The following PRKN variants were observed in gnomAD, a reference collection of about 807,000 sequenced individuals.
The protein encoded by PRKN is E3 ubiquitin-protein ligase parkin.
A neutral mutation model predicts 59.5 loss-of-function variants in PRKN; 56 were observed. The observed-to-expected ratio is 0.94, with a 90% CI of 0.76 to 1.18. PRKN has a LOEUF of 1.18. Among genes scored for constraint, PRKN ranks in the 50% most tolerant of loss-of-function variants. The probability of loss-of-function intolerance (pLI) is 0.00; values close to 1 mark genes in which losing one functional copy is unlikely to be tolerated. For missense variants in PRKN, 657 were observed against 596.4 expected (o/e 1.10, Z -1.06); for synonymous variants, 250 against 222.1 (o/e 1.13, Z -1.12).
intron 6 of PRKN, among the ~76,000 whole-genome samples, chr6:161,929,769 C>A (rs556876339): frequency 9.2e-5 from 14 of 152,082 alleles, no homozygotes; most frequent in African/African-American, 3.1e-4. Context: ...CTGCCTCACC[C>A]TCCCAAAGTG....
chr6:162,724,362 G>A (rs1779046017), intron 1 of PRKN, among the ~76,000 whole-genome samples: 1 of 152,134 alleles, frequency 6.6e-6, no homozygotes, highest in South Asian at 2.1e-4. Context: ...AATGCAGGTG[G>A]GAAATGTAAG....
At chr6:161,737,540 T>C (rs1184032350) in intron 7 of PRKN, among the ~76,000 whole-genome samples, 1 of 152,252 alleles carries the variant, frequency 6.6e-6, no homozygotes, top group African/African-American at 2.4e-5. Context: ...CTTCACATTA[T>C]GGCATTCAAT....
At chr6:161,635,082 C>A (rs911586667) in intron 7 of PRKN, among the ~76,000 whole-genome samples, 1 of 152,170 alleles carries the variant, frequency 6.6e-6, no homozygotes, top group Non-Finnish European at 1.5e-5. Flanking sequence ...CCTTGGGAAT[C>A]ATTTTGTCTG....
rs367750461 is a variant in PRKN, at chr6:161,513,327, G to GC, written c.1083+35526dup. On this transcript the variant is annotated intron_variant, in intron 9 of 11. Coordinates refer to ENST00000366898, the MANE Select transcript of PRKN (RefSeq NM_004562.3). ...GCGATCTCAGCACACTGCAACCTCC[G>GC]CCCCCCGGGTTCAAGTGATTCTCCT... 2.6e-5 allele frequency among the ~76,000 whole-genome samples: 4 copies of GC among 152,100 alleles called. No homozygotes were observed. The East Asian group carries it at 7.7e-4, about 29-fold the overall frequency.
intron 8 of PRKN, among the ~76,000 whole-genome samples, chr6:161,559,797 A>G (rs1780384044): frequency 6.6e-6 from 1 of 152,188 alleles, no homozygotes; most frequent in Non-Finnish European, 1.5e-5. Context: ...TGAGCATTTA[A>G]TGATCTAATT....
Position 162,128,348 on chromosome 6 carries a change from A to G in PRKN, c.534+72783T>C, listed in dbSNP as rs183478859. 1.8e-3 allele frequency among the ~76,000 whole-genome samples: 272 copies of G among 152,328 alleles called. 4 individuals carry two copies. Among genetic ancestry groups the G allele is most frequent in the African/African-American group, 6.2e-3 (258 of 41,572 alleles). ...TGTTTTGCATATATTTGTGTTTTTA[A>G]GGGGTCATACAGCCTGAAGATACAC... is the stretch of plus-strand genomic sequence containing the variant. On this transcript the variant is annotated intron_variant, in intron 4 of 11. Coordinates refer to ENST00000366898, the MANE Select transcript of PRKN (RefSeq NM_004562.3).
At chr6:161,978,140 C>A (rs1316529280) in intron 5 of PRKN, among the ~76,000 whole-genome samples, 2 of 152,008 alleles carry the variant, frequency 1.3e-5, no homozygotes, top group Non-Finnish European at 2.9e-5. Flanking sequence ...ACCTCTGCCT[C>A]CCAGGTTCAA....
chr6:162,511,830 G>A (rs1465912899), intron 1 of PRKN, among the ~76,000 whole-genome samples: 2 of 152,124 alleles, frequency 1.3e-5, no homozygotes, highest in African/African-American at 4.8e-5. Context: ...AGTGAGCACT[G>A]TTTCTTGAAA....
At chr6:162,012,360 AAAAG>A (rs757337194) in intron 5 of PRKN, among the ~76,000 whole-genome samples, 23 of 152,070 alleles carry the variant, frequency 1.5e-4, no homozygotes, top group Non-Finnish European at 2.8e-4. Flanking sequence ...AGTAAGTTAA[AAAAG>A]AAAGTAAACT....
chr6:162,339,504 G>A (rs1219690824), intron 2 of PRKN, among the ~76,000 whole-genome samples: 10 of 137,772 alleles, frequency 7.3e-5, no homozygotes, highest in Admixed American at 1.4e-4. Flanking sequence ...CGCCCCGTCC[G>A]GGAGGGAGGT....
At chr6:162,167,971 G>A (rs13217867) in intron 4 of PRKN, among the ~76,000 whole-genome samples, 44 of 152,026 alleles carry the variant, frequency 2.9e-4, no homozygotes, top group Middle Eastern at 3.4e-3. Context: ...AAATAAAAAC[G>A]TCATTTTTTC....
chr6:162,180,960 T>G (rs1166082086), intron 4 of PRKN, among the ~76,000 whole-genome samples: 2 of 152,140 alleles, frequency 1.3e-5, no homozygotes, highest in African/African-American at 4.8e-5. Context: ...ATAACATGAT[T>G]CTAGTTTAAA....
chr6:161,822,547 G>C (rs1792074397), intron 6 of PRKN, among the ~76,000 whole-genome samples: 1 of 152,204 alleles, frequency 6.6e-6, no homozygotes, highest in Non-Finnish European at 1.5e-5. Context: ...ATGGTGGTGT[G>C]TGCCTGAAAT....
chr6:162,355,407 C>CTATCTATCTATCTATCTATCTATA (rs1554304030), intron 2 of PRKN, among the ~76,000 whole-genome samples: 4 of 151,294 alleles, frequency 2.6e-5, no homozygotes, highest in African/African-American at 7.3e-5. Flanking sequence ...ATCTATCTAT[C>CTATCTATCTATCTATCTATCTATA]TATATATATA....
chr6:161,421,544 C>T (rs1368837398), intron 9 of PRKN, among the ~76,000 whole-genome samples: 2 of 152,166 alleles, frequency 1.3e-5, no homozygotes, highest in Non-Finnish European at 2.9e-5. Flanking sequence ...TACAGCATAA[C>T]TTCCTTTCCC....
intron 5 of PRKN, among the ~76,000 whole-genome samples, chr6:162,008,612 C>A (rs575837487): frequency 1.3e-5 from 2 of 152,202 alleles, no homozygotes; most frequent in South Asian, 4.1e-4. Flanking sequence ...GGGTATCACA[C>A]CTCAGTTATC....
intron 1 of PRKN, among the ~76,000 whole-genome samples, chr6:162,590,819 C>T (rs1460339618): frequency 3.3e-5 from 5 of 152,114 alleles, no homozygotes; most frequent in Admixed American, 6.5e-5. Context: ...ACAGACGCAA[C>T]GTGTCACTTA....
chr6:161,632,941 T>C (rs1783371313), intron 7 of PRKN, among the ~76,000 whole-genome samples: 1 of 152,168 alleles, frequency 6.6e-6, no homozygotes, highest in Non-Finnish European at 1.5e-5. Flanking sequence ...GGAAGTACAA[T>C]TCAAGATGAG....
chr6:162,384,560 A>G (rs1019111077), intron 2 of PRKN, among the ~76,000 whole-genome samples: 2 of 151,372 alleles, frequency 1.3e-5, no homozygotes, highest in Non-Finnish European at 2.9e-5. Flanking sequence ...TTACCAAATG[A>G]TAGAGATAGA....
Sources: gnomAD v4.1 joint callset for allele counts (sites outside exome capture counted in the v4.1 genomes callset) on GRCh38, gnomAD v4.1.1 for gene constraint, MANE v1.5 for transcripts, NCBI Gene and HGNC (gene_info 2026-07-23, HGNC 2026-07-21) for gene names.